The following UGGT1 variants were observed in gnomAD, a reference collection of about 807,000 sequenced individuals.
UGGT1 encodes UDP-glucose:glycoprotein glucosyltransferase 1.
A neutral mutation model predicts 203.9 loss-of-function variants in UGGT1; 107 were observed. The ratio of observed to expected loss-of-function variants is 0.52; its 90% CI spans 0.45 to 0.62. The LOEUF (loss-of-function observed/expected upper bound fraction) is 0.62. UGGT1 is among the 20% of genes least tolerant of loss of function. UGGT1 has a pLI of 0.00. For missense variants in UGGT1, 1,673 were observed against 1,867.2 expected (o/e 0.90, Z 1.92); for synonymous variants, 628 against 653.5 (o/e 0.96, Z 0.59).
chr2:128,120,856 G>T (rs1482624820), intron 9 of UGGT1, among the ~76,000 whole-genome samples: 1 of 151,950 alleles, frequency 6.6e-6, no homozygotes, highest in Non-Finnish European at 1.5e-5. Flanking sequence ...TTTCCCCAAC[G>T]TCATTTACTA....
At chr2:128,132,341 A>C (rs772923254) in intron 13 of UGGT1, among the ~76,000 whole-genome samples, 15 of 151,864 alleles carry the variant, frequency 9.9e-5, no homozygotes, top group Non-Finnish European at 1.8e-4. Context: ...TGAGGTCAGG[A>C]GTTCAAGACC....
chr2:128,091,658 G>A, intron 1 of UGGT1: 9 of 1,286,426 alleles, frequency 7.0e-6, no homozygotes, highest in Non-Finnish European at 8.2e-6. Flanking sequence ...TCTTTGAAGA[G>A]CTTTAGATCC....
intron 24 of UGGT1, 30 bp from the exon 25 acceptor site, chr2:128,161,108 G>A (rs1234745553): frequency 6.2e-7 from 1 of 1,611,868 alleles, no homozygotes; most frequent in East Asian, 2.2e-5. Flanking sequence ...GCCTTCCAGA[G>A]CTAAGCGCCT....
In UGGT1 at chr2:128,168,387, T is replaced by G. The variant is rs774193965; in HGVS notation, c.2922-1901T>G. Among the ~76,000 whole-genome samples the G allele has an allele frequency of 1.8e-4, 27 of 152,366 alleles. No homozygotes were observed. In the Middle Eastern group the frequency reaches 0.01, roughly 58 times the overall value. On this transcript the variant is annotated intron_variant, in intron 26 of 40. Coordinates refer to ENST00000259253, the MANE Select transcript of UGGT1 (RefSeq NM_020120.4). ...TACCTCAACACAGATACAAAGCTAT[T>G]CTCATGGTTATTTCCAAAGCAGTGA...
At chr2:128,174,905 G>T in intron 31 of UGGT1, 47 bp downstream of exon 31, 1 of 1,534,240 alleles carries the variant, frequency 6.5e-7, no homozygotes, top group South Asian at 1.2e-5. Flanking sequence ...TTTTAGAAAT[G>T]AGCATTAGCT....
Position 128,116,274 on chromosome 2 carries a change from T to G in UGGT1, c.803T>G (p.Val268Gly). 6.2e-7 allele frequency: 1 copy of G among 1,606,336 alleles called. No homozygotes were observed. Among genetic ancestry groups the G allele is most frequent in the Non-Finnish European group, 8.5e-7 (1 of 1,173,496 alleles). ...TTCTATTCTTTCATAGGAACTGAGGTAAACACCACAGTGATTGGTGAAAAT... is the reference window on the plus strand; with the variant it reads ...TTCTATTCTTTCATAGGAACTGAGGGAAACACCACAGTGATTGGTGAAAAT... The part of the protein sequence containing the change: ...KDDTQVKGTE[V>G]NTTVIGENDP... Residue 268 changes from valine to glycine, a missense_variant, in exon 8 of 41, where the codon GTA becomes GGA. Around this residue, in one of 4 missense-constraint regions of UGGT1, gnomAD observed 1,073 missense variants for 1,078.7 expected, o/e 0.99. Coordinates refer to ENST00000259253, the MANE Select transcript of UGGT1 (RefSeq NM_020120.4).
At chr2:128,117,740 G>C (rs1461590740) in intron 8 of UGGT1, among the ~76,000 whole-genome samples, 1 of 151,734 alleles carries the variant, frequency 6.6e-6, no homozygotes, top group Non-Finnish European at 1.5e-5. Context: ...TAGTAGAGAT[G>C]GGGTTTCACT....
At chr2:128,111,282 G>A (rs1687836549) in intron 5 of UGGT1, among the ~76,000 whole-genome samples, 1 of 152,080 alleles carries the variant, frequency 6.6e-6, no homozygotes, top group African/African-American at 2.4e-5. Flanking sequence ...TTTAGCCCAG[G>A]AGGTAGAGAC....
At chr2:128,112,454 T>TTTTATATATATATATATATATATATATA (rs149422257) in intron 5 of UGGT1, among the ~76,000 whole-genome samples, 3 of 55,796 alleles carry the variant, frequency 5.4e-5, no homozygotes, top group African/African-American at 1.6e-4. Flanking sequence ...AAATACTATG[T>TTTTATATATATATATATATATATATATA]TATATATATA....
chr2:128,157,951 TCA>T (rs1308362044), intron 22 of UGGT1, among the ~76,000 whole-genome samples: 1 of 152,176 alleles, frequency 6.6e-6, no homozygotes, highest in East Asian at 1.9e-4. Flanking sequence ...CATCCATACC[TCA>T]CAACCCTCCT....
At chr2:128,185,980 T>G (rs1243262250) in intron 38 of UGGT1, among the ~76,000 whole-genome samples, 1 of 152,156 alleles carries the variant, frequency 6.6e-6, no homozygotes, top group Non-Finnish European at 1.5e-5. Flanking sequence ...GGAGCAAGTC[T>G]CAATAGACAA....
Position 128,138,632 on chromosome 2 carries a change from T to G in UGGT1, c.1584-85T>G, listed in dbSNP as rs1689259650. ...GAGTTTTCCTCTGTTAGCTATAATG[T>G]ATGAGAAGGGTACAAGGATGTCATT... On this transcript the variant is annotated intron_variant, in intron 15 of 40. Transcript: ENST00000259253. 4 of 1,474,220 alleles carry G rather than the reference T, an allele frequency of 2.7e-6. No homozygotes were observed. The South Asian group carries it at 5.2e-5, about 19-fold the overall frequency. The allele number at this position is 1,474,220 out of a possible 1,614,324, so 91.3% of individuals were successfully genotyped here.
rs545309630 is a variant in UGGT1, at chr2:128,167,288, C to A, written c.2921+2463C>A. The stretch of plus-strand genomic sequence containing the variant: ...CTCCATGTTTTGTATAATTAAAATA[C>A]CTTAATTATAAATTCTATTATGAGA... On this transcript the variant is annotated intron_variant, in intron 26 of 40. Coordinates refer to ENST00000259253, the MANE Select transcript of UGGT1 (RefSeq NM_020120.4). Among the ~76,000 whole-genome samples, 10 of 152,226 alleles carry A rather than the reference C, an allele frequency of 6.6e-5. No homozygotes were observed. The South Asian group carries it at 2.1e-3, about 32-fold the overall frequency.
chr2:128,117,625 G>A (rs1263609249), intron 8 of UGGT1, among the ~76,000 whole-genome samples: 1 of 147,276 alleles, frequency 6.8e-6, no homozygotes, highest in African/African-American at 2.5e-5. Context: ...CTCACTGCAA[G>A]CTCCGCCTCC....
intron 5 of UGGT1, among the ~76,000 whole-genome samples, chr2:128,112,466 A>ATATATATATATATAT (rs1400692529): frequency 8.0e-6 from 1 of 125,734 alleles, no homozygotes; most frequent in African/African-American, 2.8e-5. Context: ...ATATATATAT[A>ATATATATATATATAT]TATATATTAC....
At chr2:128,139,410 TTTTA>T (rs947429844) in intron 16 of UGGT1, among the ~76,000 whole-genome samples, 11 of 152,096 alleles carry the variant, frequency 7.2e-5, no homozygotes, top group African/African-American at 1.7e-4. Flanking sequence ...TTTTTAAAGT[TTTTA>T]TTTATTTATT....
intron 5 of UGGT1, among the ~76,000 whole-genome samples, chr2:128,111,205 G>A (rs953975476): frequency 6.6e-6 from 1 of 152,144 alleles, no homozygotes; most frequent in Non-Finnish European, 1.5e-5. Context: ...GTAGCTGGGT[G>A]TGGTGGCAGT....
chr2:128,172,351 ACTC>A (rs1389334352), intron 28 of UGGT1, among the ~76,000 whole-genome samples: 8 of 151,894 alleles, frequency 5.3e-5, no homozygotes, highest in South Asian at 2.1e-4. Flanking sequence ...ACCACTGAGC[ACTC>A]CTCCTCAGTG....
At chr2:128,153,526 T>G (rs985684670) in intron 19 of UGGT1, among the ~76,000 whole-genome samples, 12 of 152,210 alleles carry the variant, frequency 7.9e-5, no homozygotes, top group African/African-American at 2.9e-4. Context: ...TGTTCCTCCC[T>G]TCCCCTATCC....
Sources: allele counts gnomAD v4.1 joint callset (sites outside exome capture counted in the v4.1 genomes callset), GRCh38; gene constraint gnomAD v4.1.1; regional missense constraint gnomAD v4.1.1; transcripts MANE v1.5; gene names NCBI Gene and HGNC (gene_info 2026-07-23, HGNC 2026-07-21).